Variants in NAMPT observed in about 807,000 individuals in gnomAD.
NAMPT encodes the protein nicotinamide phosphoribosyltransferase.
Under a neutral mutation model 58.7 loss-of-function variants are expected in NAMPT, and 7 were observed. That is an observed-to-expected ratio of 0.12 (90% CI 0.07 to 0.22). The LOEUF (loss-of-function observed/expected upper bound fraction) is 0.22, where lower values mean the gene tolerates loss of function less well. NAMPT is among the 10% of genes least tolerant of loss of function. NAMPT has a pLI of 1.00. For synonymous variants in NAMPT, 145 were observed against 198.1 expected, an observed-to-expected ratio of 0.73 and a Z score of 2.25; for missense variants, 271 against 567.9, an observed-to-expected ratio of 0.48 and a Z score of 5.31.
intron 6 of NAMPT, among the ~76,000 whole-genome samples, chr7:106,264,821 A>G (rs951827231): frequency 1.3e-5 from 2 of 152,036 alleles, no homozygotes. Context: ...AGTTTAACTC[A>G]TAACTGTTTG....
intron 10 of NAMPT, among the ~76,000 whole-genome samples, chr7:106,252,616 C>T (rs1011365596): frequency 2.6e-5 from 4 of 151,994 alleles, no homozygotes; most frequent in African/African-American, 9.7e-5. Flanking sequence ...ATATGAACTA[C>T]TTTAGTGTAC....
At chr7:106,281,254 G>C (rs926113476) in intron 1 of NAMPT, among the ~76,000 whole-genome samples, 1 of 151,832 alleles carries the variant, frequency 6.6e-6, no homozygotes, top group African/African-American at 2.4e-5. Flanking sequence ...ATATATTTCA[G>C]TTGAACAGAA....
At chr7:106,251,319 G>T in intron 10 of NAMPT, 126 bp from the exon 11 acceptor site, 1 of 649,606 alleles carries the variant, frequency 1.5e-6, no homozygotes. Context: ...ATTGTGAGAT[G>T]ATTTGATGCA....
chr7:106,279,642 A>T (rs908463012), intron 1 of NAMPT, among the ~76,000 whole-genome samples: 88 of 152,362 alleles, frequency 5.8e-4, no homozygotes, highest in African/African-American at 2.1e-3. Context: ...GTTATTTTAT[A>T]AATACTTCAT....
At chr7:106,274,576 C>A (rs1040186820) in intron 3 of NAMPT, among the ~76,000 whole-genome samples, 1 of 152,040 alleles carries the variant, frequency 6.6e-6, no homozygotes, top group Admixed American at 6.5e-5. Context: ...AAATTCTGGC[C>A]GGGGATGGTG....
chr7:106,261,413 ACCTCTGTATTTTAAAC>A, intron 8 of NAMPT, 159 bp downstream of exon 8: 1 of 501,768 alleles, frequency 2.0e-6, no homozygotes, highest in South Asian at 4.3e-5. Context: ...CTTGGCTGGC[ACCTCTGTATTTTAAAC>A]TACTATTATT....
intron 1 of NAMPT, 31 bp downstream of exon 1, chr7:106,284,794 GCTC>G (rs1792838421): frequency 3.6e-6 from 4 of 1,121,522 alleles, no homozygotes; most frequent in East Asian, 9.8e-5. Flanking sequence ...AGCGCGCCCC[GCTC>G]CTCCTCATCT....
chr7:106,251,253 G>A, intron 10 of NAMPT, 60 bp from the exon 11 acceptor site: 1 of 1,128,366 alleles, frequency 8.9e-7, no homozygotes, highest in Non-Finnish European at 1.3e-6. Flanking sequence ...CTGAATCCTG[G>A]TTTGATGAAT....
rs1476817010 is a variant in NAMPT, at chr7:106,272,591, T to C, written c.386A>G (p.Asn129Ser). Reference sequence around the variant, plus strand: ...TGTGTTTTCCACCGTGAAGAGAACATTTCCTCTGGGAATGACAAAGCCCTC... The same window carrying C: ...TGTGTTTTCCACCGTGAAGAGAACACTTCCTCTGGGAATGACAAAGCCCTC... ...VPEGFVIPRG[N>S]VLFTVENTDP... Residue 129 changes from asparagine (N) to serine (S), a missense_variant, in exon 4 of 11, where the codon AAT becomes AGT. Asn to Ser is a conservative substitution (Grantham distance 46). Around this residue, in one of 4 missense-constraint regions of NAMPT, gnomAD observed 103 missense variants for 194.2 expected, o/e 0.53. Transcript: ENST00000222553. The C allele has an allele frequency of 1.9e-6, 3 of 1,611,666 alleles. No individual in the cohort carries two copies. Among genetic ancestry groups the C allele is most frequent in the East Asian group, 2.2e-5 (1 of 44,780 alleles).
At chr7:106,262,113 GT>G (rs1389581669) in intron 7 of NAMPT, among the ~76,000 whole-genome samples, 2 of 151,918 alleles carry the variant, frequency 1.3e-5, no homozygotes, top group Non-Finnish European at 2.9e-5. Context: ...AATGACTTTG[GT>G]TTTTGTCTGA....
intron 6 of NAMPT, among the ~76,000 whole-genome samples, chr7:106,266,577 T>C (rs1792415059): frequency 6.7e-6 from 1 of 148,778 alleles, no homozygotes; most frequent in South Asian, 2.2e-4. Context: ...GAATCTATTT[T>C]CTACTGAGTC....
chr7:106,281,443 C>G (rs1384506390), intron 1 of NAMPT, among the ~76,000 whole-genome samples: 5 of 152,016 alleles, frequency 3.3e-5, no homozygotes, highest in Non-Finnish European at 5.9e-5. Flanking sequence ...TAAAAAATCA[C>G]AAGTCAACAT....
At chr7:106,281,193 A>G (rs1792757048) in intron 1 of NAMPT, among the ~76,000 whole-genome samples, 2 of 152,044 alleles carry the variant, frequency 1.3e-5, no homozygotes, top group Non-Finnish European at 2.9e-5. Context: ...AAGGCTAAAT[A>G]TCCTTGTTCC....
chr7:106,282,084 G>C (rs1475486838), intron 1 of NAMPT, among the ~76,000 whole-genome samples: 2 of 151,974 alleles, frequency 1.3e-5, no homozygotes, highest in Non-Finnish European at 2.9e-5. Context: ...GGTACAAGCT[G>C]CAACAGTACC....
chr7:106,265,421 C>G (rs1191273715), intron 6 of NAMPT, among the ~76,000 whole-genome samples: 1 of 151,900 alleles, frequency 6.6e-6, no homozygotes, highest in East Asian at 1.9e-4. Flanking sequence ...CACCTTTTTT[C>G]CCCTATTTCT....
intron 9 of NAMPT, chr7:106,253,418 C>T (rs1188128762): frequency 2.8e-6 from 1 of 355,914 alleles, no homozygotes; most frequent in South Asian, 3.1e-5. Flanking sequence ...TGTAGGAAGT[C>T]TGTGAGCATT....
intron 4 of NAMPT, chr7:106,271,891 C>G (rs931253374): frequency 1.2e-5 from 2 of 168,310 alleles, no homozygotes; most frequent in African/African-American, 2.4e-5. Context: ...TTAAACTGTT[C>G]AGAAGCTAGG....
chr7:106,273,986 A>G (rs1183316907), intron 3 of NAMPT, among the ~76,000 whole-genome samples: 1 of 151,884 alleles, frequency 6.6e-6, no homozygotes, highest in Non-Finnish European at 1.5e-5. Flanking sequence ...AGATACGCCA[A>G]CAGATTCCAT....
chr7:106,283,280 T>G (rs919685828), intron 1 of NAMPT, among the ~76,000 whole-genome samples: 8 of 152,174 alleles, frequency 5.3e-5, no homozygotes, highest in Non-Finnish European at 1.0e-4. Flanking sequence ...ACCTTTAAGA[T>G]AATTCACTAT....
Sources: allele counts gnomAD v4.1 joint callset (sites outside exome capture counted in the v4.1 genomes callset), GRCh38; gene constraint gnomAD v4.1.1; regional missense constraint gnomAD v4.1.1; transcripts MANE v1.5; gene names NCBI Gene and HGNC (gene_info 2026-07-23, HGNC 2026-07-21).